The following SLC66A3 variants were observed in gnomAD, a reference collection of about 807,000 sequenced individuals.
SLC66A3 encodes PQ loop repeat containing 3.
A neutral mutation model predicts 25.5 loss-of-function variants in SLC66A3; 23 were observed. That is an observed-to-expected ratio of 0.90 (90% CI 0.65 to 1.28). The LOEUF is 1.28. Among genes scored for constraint, SLC66A3 ranks in the 50% most tolerant of loss-of-function variants. The probability of loss-of-function intolerance (pLI) is 0.00; values close to 1 mark genes in which losing one functional copy is unlikely to be tolerated. For missense variants in SLC66A3, 246 were observed against 262.1 expected, an observed-to-expected ratio of 0.94 and a Z score of 0.42; for synonymous variants, 108 against 112.6, an observed-to-expected ratio of 0.96 and a Z score of 0.26.
intron 5 of SLC66A3, among the ~76,000 whole-genome samples, chr2:11,173,318 T>C (rs963721664): frequency 6.6e-6 from 1 of 152,194 alleles, no homozygotes; most frequent in Non-Finnish European, 1.5e-5. Context: ...AAATGTCTGT[T>C]CACATGGTTT....
At chr2:11,166,185 T>C (rs960653066) in intron 4 of SLC66A3, among the ~76,000 whole-genome samples, 1 of 152,206 alleles carries the variant, frequency 6.6e-6, no homozygotes, top group Non-Finnish European at 1.5e-5. Context: ...CTAGCAGTTT[T>C]AGAATGAAGA....
chr2:11,159,444 C>T (rs958750570), intron 1 of SLC66A3, among the ~76,000 whole-genome samples: 9 of 152,150 alleles, frequency 5.9e-5, no homozygotes, highest in Non-Finnish European at 8.8e-5. Flanking sequence ...GGTGGGGGCC[C>T]GCACTCGGGG....
At chr2:11,176,600 C>CT (rs1662757049) in intron 6 of SLC66A3, among the ~76,000 whole-genome samples, 2 of 113,242 alleles carry the variant, frequency 1.8e-5, no homozygotes, top group Admixed American at 1.1e-4. Flanking sequence ...GGGATCTCGG[C>CT]TCACTGCAAG....
At chr2:11,175,328 G>C (rs1178000531) in intron 6 of SLC66A3, among the ~76,000 whole-genome samples, 3 of 152,198 alleles carry the variant, frequency 2.0e-5, no homozygotes, top group Admixed American at 6.5e-5. Flanking sequence ...TGGAAGAGTA[G>C]GGCAGGATGA....
chr2:11,169,837 C>CTTTT lies in SLC66A3; in HGVS notation c.355-2071_355-2068dup, dbSNP rs1186098636. Among the ~76,000 whole-genome samples, 14 of 89,046 alleles carry CTTTT rather than the reference C, an allele frequency of 1.6e-4. 2 individuals are homozygous for CTTTT. The highest frequency in any genetic ancestry group is 3.9e-4 in the South Asian group (1 of 2,546). 58.4% of individuals were successfully genotyped at this position (89,046 alleles called of 152,430 possible). A position where few individuals can be genotyped will look rare whatever the true frequency, so the allele number is the denominator to read the frequency against. On this transcript the variant is annotated intron_variant, in intron 4 of 6. Coordinates refer to ENST00000295083, the MANE Select transcript of SLC66A3 (RefSeq NM_152391.5). The stretch of plus-strand genomic sequence containing the variant: ...GATTAGAATCACCCTGGATTTCTCT[C>CTTTT]TTTTTTTTTTTTTTTTTTTTGAGAC...
chr2:11,160,758 G>T, intron 3 of SLC66A3, 64 bp downstream of exon 3: 2 of 1,610,134 alleles, frequency 1.2e-6, no homozygotes, highest in Non-Finnish European at 1.7e-6. Context: ...GGTATGCATT[G>T]TGAAGCAGGC....
rs1222808934 is a variant in SLC66A3, at chr2:11,178,411, C to T, written c.*583C>T. 3 of 152,640 alleles carry T rather than the reference C, an allele frequency of 2.0e-5. No individual in the cohort carries two copies. Among genetic ancestry groups the T allele is most frequent in the African/African-American group, 2.4e-5 (1 of 41,436 alleles). 9.5% of individuals were successfully genotyped at this position (152,640 alleles called of 1,614,324 possible). On this transcript the variant is annotated 3_prime_UTR_variant, in exon 7 of 7. Transcript: ENST00000295083. ...ACATGTAGCTGGCTTGAGTTTGTAC[C>T]AAAACAGTCCTTCAACTTTGCACTG...
rs774781463 is a variant in SLC66A3, at chr2:11,171,924, G to A, written c.355-1G>A. 1.2e-6 allele frequency: 2 copies of A among 1,613,524 alleles called. No individual in the cohort carries two copies. Among genetic ancestry groups the A allele is most frequent in the Non-Finnish European group, 1.7e-6 (2 of 1,179,816 alleles). On this transcript the variant is annotated splice_acceptor_variant, in intron 4 of 6. Transcript: ENST00000295083. LOFTEE classifies it high-confidence loss of function. ...CTTTCTCACATTTTATCTGCAAACA[G>A]AATCTATGTACTTTCATCAGCGCGG...
At chr2:11,170,066 T>TGACCTCGTGATCTGCCCGCCTC (rs1293513177) in intron 4 of SLC66A3, among the ~76,000 whole-genome samples, 1 of 152,124 alleles carries the variant, frequency 6.6e-6, no homozygotes, top group Non-Finnish European at 1.5e-5. Context: ...CTCGATCTCT[T>TGACCTCGTGATCTGCCCGCCTC]GACCTCGTGA....
In SLC66A3 at chr2:11,164,240, G is replaced by A. The variant is rs768466799; in HGVS notation, c.333G>A (p.Lys111=). The A allele has an allele frequency of 4.4e-6, 7 of 1,573,370 alleles. No individual in the cohort carries two copies. Among genetic ancestry groups the A allele is most frequent in the Non-Finnish European group, 6.0e-6 (7 of 1,162,912 alleles). ...CTTGGTTCATCCTTGCCCTGCAGAAGTGGATCATAGACCTGGCCATGGTAA... is the reference window on the plus strand; with the variant it reads ...CTTGGTTCATCCTTGCCCTGCAGAAATGGATCATAGACCTGGCCATGGTAA... ...VSSWFILALQ[K]WIIDLAMNLC... The change falls in exon 4 of 7, where the codon AAG becomes AAA. Residue 111 remains lysine (K), a synonymous_variant. Transcript: ENST00000295083.
At chr2:11,164,542 T>C (rs1289150525) in intron 4 of SLC66A3, among the ~76,000 whole-genome samples, 1 of 149,050 alleles carries the variant, frequency 6.7e-6, no homozygotes, top group Non-Finnish European at 1.5e-5. Flanking sequence ...TTTGTTTTCT[T>C]TTTTTTTTAG....
chr2:11,159,744 C>T lies in SLC66A3; in HGVS notation c.144-722C>T, dbSNP rs149016170. The stretch of plus-strand genomic sequence containing the variant: ...GCTGGGTGATGAGACAAACAGGTAG[C>T]CCCAGGAGACCACAGGGATTCCGGT... On this transcript the variant is annotated intron_variant, in intron 1 of 6. Transcript: ENST00000295083. 1.4e-3 allele frequency among the ~76,000 whole-genome samples: 209 copies of T among 152,224 alleles called. 1 individual carries two copies. The highest frequency in any genetic ancestry group is 4.6e-3 in the African/African-American group (190 of 41,538).
chr2:11,159,618 T>TG (rs1662040571), intron 1 of SLC66A3, among the ~76,000 whole-genome samples: 1 of 152,152 alleles, frequency 6.6e-6, no homozygotes, highest in Admixed American at 6.5e-5. Flanking sequence ...TTGGAGACCC[T>TG]GGGGGGCCCC....
chr2:11,177,781 AC>A lies in SLC66A3; in HGVS notation c.563del (p.Thr188LysfsTer2), dbSNP rs775973788. On this transcript the variant is annotated frameshift_variant, in exon 7 of 7. Coordinates refer to ENST00000295083, the MANE Select transcript of SLC66A3 (RefSeq NM_152391.5). LOFTEE classifies it high-confidence loss of function. ...CATGCTGGCTTTAAATATATGGGTA[AC>A]AGTGACAGTACTTCGCTACCGGAAG... ...VIMLALNIWV[T>X]VTVLRYRKTA... The A allele has an allele frequency of 5.5e-5, 88 of 1,612,032 alleles. No homozygotes were observed. The African/African-American group carries it at 1.0e-3, about 19-fold the overall frequency.
At chr2:11,163,031 G>T (rs1253889714) in intron 3 of SLC66A3, among the ~76,000 whole-genome samples, 1 of 152,196 alleles carries the variant, frequency 6.6e-6, no homozygotes, top group African/African-American at 2.4e-5. Context: ...TTGAGGCCAG[G>T]AGTTTGAGAC....
In SLC66A3 at chr2:11,162,750, G is replaced by C. The variant is rs866085871; in HGVS notation, c.297-1454G>C. ...GCCTCCCGAGTAGCTGGGACTACAG[G>C]CGCCCACCACCATGCCCGGCTAATT... is the stretch of plus-strand genomic sequence containing the variant. On this transcript the variant is annotated intron_variant, in intron 3 of 6. Transcript: ENST00000295083. Among the ~76,000 whole-genome samples, 26 of 152,220 alleles carry C rather than the reference G, an allele frequency of 1.7e-4. No individual in the cohort carries two copies. In the Middle Eastern group the frequency reaches 0.014, roughly 80 times the overall value.
chr2:11,163,799 A>T (rs1305452087), intron 3 of SLC66A3, among the ~76,000 whole-genome samples: 2 of 152,192 alleles, frequency 1.3e-5, no homozygotes, highest in Non-Finnish European at 1.5e-5. Flanking sequence ...AGTAAACAGA[A>T]ATTCACATCA....
At chr2:11,160,303 C>A in intron 1 of SLC66A3, 163 bp from the exon 2 acceptor site, 1 of 654,678 alleles carries the variant, frequency 1.5e-6, no homozygotes, top group Non-Finnish European at 2.7e-6. Context: ...GATGATTCAA[C>A]TGAATTCCAT....
chr2:11,159,886 T>A (rs1312794605), intron 1 of SLC66A3, among the ~76,000 whole-genome samples: 1 of 152,126 alleles, frequency 6.6e-6, no homozygotes, highest in Non-Finnish European at 1.5e-5. Flanking sequence ...CTTAGCGAAA[T>A]TGAGGGTGGT....
Sources: gnomAD v4.1 joint callset for allele counts (sites outside exome capture counted in the v4.1 genomes callset) on GRCh38, gnomAD v4.1.1 for gene constraint, MANE v1.5 for transcripts, NCBI Gene and HGNC (gene_info 2026-07-23, HGNC 2026-07-21) for gene names.